HTT: variants seen among roughly 807,000 people sequenced by gnomAD.
The protein encoded by HTT is huntington disease protein.
A neutral mutation model predicts 362.3 loss-of-function variants in HTT; 104 were observed. That is an observed-to-expected ratio of 0.29 (90% CI 0.24 to 0.34). The LOEUF (loss-of-function observed/expected upper bound fraction) is 0.34, where lower values mean the gene tolerates loss of function less well. Ranked by LOEUF, HTT falls within the 10% of genes least tolerant of loss-of-function variation. The probability of loss-of-function intolerance (pLI) is 1.00; values close to 1 mark genes in which losing one functional copy is unlikely to be tolerated. For synonymous variants in HTT, 1,577 were observed against 1,548.7 expected (o/e 1.02, Z -0.43); for missense variants, 3,301 against 3,928.6 (o/e 0.84, Z 4.27).
rs191063722 is a variant in HTT, at chr4:3,215,186, G to A, written c.7029G>A (p.Glu2343=). 6.8e-6 allele frequency: 11 copies of A among 1,613,966 alleles called. No individual in the cohort carries two copies. In the East Asian group the frequency reaches 2.2e-4, roughly 33 times the overall value. ...CCCCAAAAGCCATCAGCGAGGAGGAGGAGGAAGTAGATCCAAACACACAGA... is the reference window on the plus strand; with the variant it reads ...CCCCAAAAGCCATCAGCGAGGAGGAAGAGGAAGTAGATCCAAACACACAGA... ...TNTPKAISEE[E]EEVDPNTQNP... Residue 2343 remains glutamate (E), a synonymous_variant, in exon 51 of 67, where the codon GAG becomes GAA. Transcript: ENST00000355072.
chr4:3,197,484 A>G (rs1026992343), intron 40 of HTT, among the ~76,000 whole-genome samples: 3 of 151,644 alleles, frequency 2.0e-5, no homozygotes, highest in African/African-American at 4.8e-5. Flanking sequence ...CCTCCTCTCT[A>G]TCTACTAGGA....
intron 54 of HTT, 89 bp downstream of exon 54, chr4:3,222,576 G>T: frequency 1.0e-6 from 1 of 954,124 alleles, no homozygotes; most frequent in East Asian, 2.5e-5. Context: ...CAGCAAGCTG[G>T]TGTTCTTTTT....
rs1162980221 is a variant in HTT at position 3,241,216 on chromosome 4, C to G, written c.*1157C>G. On this transcript the variant is annotated 3_prime_UTR_variant, in exon 67 of 67. Coordinates refer to ENST00000355072, the MANE Select transcript of HTT (RefSeq NM_001388492.1). ...CTCGGTCAACAGCAAAGCTTGGTGT[C>G]TTGGCACTGTTAGTGACAGAGCCCA... 1 of 152,444 alleles carries G rather than the reference C, an allele frequency of 6.6e-6. No homozygotes were observed. The highest frequency in any genetic ancestry group is 6.5e-5 in the Admixed American group (1 of 15,284). 9.4% of individuals were successfully genotyped at this position (152,444 alleles called of 1,614,324 possible). A position where few individuals can be genotyped will look rare whatever the true frequency, so the allele number is the denominator to read the frequency against.
At chr4:3,208,720 A>T in intron 45 of HTT, 53 bp from the exon 46 acceptor site, 2 of 346,440 alleles carry the variant, frequency 5.8e-6, no homozygotes, top group South Asian at 7.4e-5. Context: ...GACTAAGACT[A>T]AAAAAAAAAA....
At chr4:3,112,047 C>T (rs766955321) in intron 6 of HTT, among the ~76,000 whole-genome samples, 8 of 152,140 alleles carry the variant, frequency 5.3e-5, no homozygotes, top group South Asian at 2.1e-4. Context: ...TTTTAGCTTC[C>T]GAAGTTTTGT....
intron 24 of HTT, among the ~76,000 whole-genome samples, chr4:3,146,585 C>G (rs1196189379): frequency 6.6e-6 from 1 of 152,232 alleles, no homozygotes; most frequent in Admixed American, 6.5e-5. Flanking sequence ...CCAATACTTT[C>G]ATTCAGATCT....
chr4:3,105,145 A>C (rs1329902403), intron 4 of HTT, among the ~76,000 whole-genome samples: 1 of 152,242 alleles, frequency 6.6e-6, no homozygotes, highest in Non-Finnish European at 1.5e-5. Context: ...ACTCTTTATT[A>C]GATGAGATGA....
chr4:3,185,476 T>C (rs1462339785), intron 37 of HTT, among the ~76,000 whole-genome samples: 1 of 152,204 alleles, frequency 6.6e-6, no homozygotes, highest in African/African-American at 2.4e-5. Context: ...AAACACCACA[T>C]CTGTTTGCAG....
intron 6 of HTT, among the ~76,000 whole-genome samples, chr4:3,110,055 C>T (rs1483310269): frequency 6.6e-6 from 1 of 152,210 alleles, no homozygotes; most frequent in East Asian, 1.9e-4. Flanking sequence ...TGGCTTTCAT[C>T]ACCATGTCGT....
chr4:3,199,081 T>C (rs553444796), intron 40 of HTT, among the ~76,000 whole-genome samples: 1 of 152,262 alleles, frequency 6.6e-6, no homozygotes, highest in Non-Finnish European at 1.5e-5. Context: ...GTGGCCCGAG[T>C]GCAGTGATTC....
At chr4:3,080,511 T>C (rs1304724740) in intron 1 of HTT, among the ~76,000 whole-genome samples, 3 of 152,354 alleles carry the variant, frequency 2.0e-5, no homozygotes, top group East Asian at 3.9e-4. Flanking sequence ...TGGATTCTTA[T>C]CAGATAGATG....
intron 10 of HTT, among the ~76,000 whole-genome samples, chr4:3,124,512 G>C (rs971716881): frequency 6.6e-6 from 1 of 152,300 alleles, no homozygotes; most frequent in South Asian, 2.1e-4. Flanking sequence ...GGGGTGTCCT[G>C]GAGCCTCTCT....
intron 21 of HTT, among the ~76,000 whole-genome samples, chr4:3,136,822 C>T (rs1716091189): frequency 6.6e-6 from 1 of 151,784 alleles, no homozygotes; most frequent in African/African-American, 2.4e-5. Context: ...ATTTTATATA[C>T]TTTTTTTGGC....
At chr4:3,239,742 C>T in intron 66 of HTT, 104 bp from the exon 67 acceptor site, 1 of 938,148 alleles carries the variant, frequency 1.1e-6, no homozygotes, top group South Asian at 1.5e-5. Context: ...CTCCAGGCTC[C>T]CTGGACCCCT....
intron 66 of HTT, among the ~76,000 whole-genome samples, chr4:3,239,188 G>A (rs362309): frequency 2.0e-5 from 3 of 152,048 alleles, no homozygotes; most frequent in South Asian, 2.1e-4. Context: ...CAGAGGGGCC[G>A]GTGTATGGCA....
intron 29 of HTT, among the ~76,000 whole-genome samples, chr4:3,168,138 T>G (rs1421915237): frequency 3.9e-5 from 6 of 152,236 alleles, no homozygotes; most frequent in Non-Finnish European, 1.5e-5. Context: ...ATGGCAAGGT[T>G]TCAGATCTCT....
At position 3,233,373 on chromosome 4, in the gene HTT, G is replaced by C. The variant is rs764739956; in HGVS notation, c.8456+20G>C. 2 of 1,581,428 alleles carry C rather than the reference G, an allele frequency of 1.3e-6. No individual in the cohort carries two copies. The highest frequency in any genetic ancestry group is 1.7e-6 in the Non-Finnish European group (2 of 1,154,276). On this transcript the variant is annotated intron_variant, in intron 61 of 66. Coordinates refer to ENST00000355072, the MANE Select transcript of HTT (RefSeq NM_001388492.1). ...CGCCCAGTGAGTGGGAGCCTGGCTG[G>C]GGCTGGGGCGGGGGTCTCAGAATGA...
intron 2 of HTT, among the ~76,000 whole-genome samples, chr4:3,091,638 C>G (rs1224577741): frequency 1.3e-5 from 2 of 152,146 alleles, no homozygotes; most frequent in Non-Finnish European, 2.9e-5. Flanking sequence ...CTCCCAGCCT[C>G]CAGAACTGTG....
At chr4:3,199,992 A>G (rs1719458502) in intron 41 of HTT, 53 bp downstream of exon 41, 5 of 1,466,368 alleles carry the variant, frequency 3.4e-6, no homozygotes, top group Non-Finnish European at 4.7e-6. Context: ...CCCTGTCCTG[A>G]GACTCCCAGT....
Sources: gnomAD v4.1 joint callset for allele counts (sites outside exome capture counted in the v4.1 genomes callset) on GRCh38, gnomAD v4.1.1 for gene constraint, MANE v1.5 for transcripts, NCBI Gene and HGNC (gene_info 2026-07-23, HGNC 2026-07-21) for gene names.